The following NSMCE2 variants were observed in gnomAD, a reference collection of about 807,000 sequenced individuals.
NSMCE2 encodes the protein E3 SUMO-protein ligase NSE2.
A neutral mutation model predicts 23.8 loss-of-function variants in NSMCE2; 24 were observed. The observed-to-expected ratio is 1.01, with a 90% CI of 0.73 to 1.42. The LOEUF (loss-of-function observed/expected upper bound fraction) is 1.42. Among genes scored for constraint, NSMCE2 ranks in the 40% most tolerant of loss-of-function variants. The pLI is 0.00. For missense variants in NSMCE2, 284 were observed against 296.5 expected (o/e 0.96, Z 0.31); for synonymous variants, 92 against 94.1 (o/e 0.98, Z 0.13).
intron 5 of NSMCE2, among the ~76,000 whole-genome samples, chr8:125,313,040 G>A (rs1024285665): frequency 1.3e-5 from 2 of 151,138 alleles, no homozygotes; most frequent in East Asian, 3.9e-4. Flanking sequence ...AACCACCATG[G>A]CACATGTATA....
At chr8:125,205,376 A>C (rs1276304682) in intron 5 of NSMCE2, among the ~76,000 whole-genome samples, 1 of 152,218 alleles carries the variant, frequency 6.6e-6, no homozygotes, top group Non-Finnish European at 1.5e-5. Context: ...ATTTCATTTA[A>C]ATAGTGTACT....
chr8:125,351,484 C>G (rs1194729134), intron 5 of NSMCE2: 2 of 152,114 alleles, frequency 1.3e-5, no homozygotes, highest in African/African-American at 4.8e-5. Context: ...GCAGGGGCAT[C>G]TGGAGGTCAA....
intron 5 of NSMCE2, among the ~76,000 whole-genome samples, chr8:125,278,940 C>A (rs1827582812): frequency 6.6e-6 from 1 of 151,710 alleles, no homozygotes; most frequent in African/African-American, 2.4e-5. Context: ...GCACATTCAG[C>A]TGGAGGTTAG....
At chr8:125,309,207 C>CA (rs1317910374) in intron 5 of NSMCE2, among the ~76,000 whole-genome samples, 1 of 143,240 alleles carries the variant, frequency 7.0e-6, no homozygotes, top group Non-Finnish European at 1.5e-5. Flanking sequence ...GAGATCACGC[C>CA]ATTCAACTCC....
intron 7 of NSMCE2, among the ~76,000 whole-genome samples, chr8:125,361,693 T>C (rs898606544): frequency 2.6e-5 from 4 of 152,192 alleles, no homozygotes; most frequent in Non-Finnish European, 5.9e-5. Context: ...GAAAGCTCTT[T>C]TGGGAGCGAA....
intron 5 of NSMCE2, among the ~76,000 whole-genome samples, chr8:125,334,442 C>T (rs1416397586): frequency 6.6e-6 from 1 of 152,142 alleles, no homozygotes; most frequent in Non-Finnish European, 1.5e-5. Context: ...ATTCAGAGAG[C>T]CTAGAAGGAG....
rs79202834 is a variant in NSMCE2, at chr8:125,254,504, G to T, written c.418+72248G>T. ...AAGAAAGAAATTGAACAAGTAAATA[G>T]CATGTACTTCACCATATATAGCAAA... On this transcript the variant is annotated intron_variant, in intron 5 of 7. Coordinates refer to ENST00000287437, the MANE Select transcript of NSMCE2 (RefSeq NM_173685.4). Among the ~76,000 whole-genome samples, 4 of 152,194 alleles carry T rather than the reference G, an allele frequency of 2.6e-5. No homozygotes were observed. In the East Asian group the frequency reaches 7.7e-4, roughly 29 times the overall value.
At chr8:125,166,196 T>G (rs916724846) in intron 4 of NSMCE2, among the ~76,000 whole-genome samples, 11 of 152,260 alleles carry the variant, frequency 7.2e-5, no homozygotes, top group African/African-American at 2.4e-4. Context: ...TTTGAAAAAA[T>G]GTTACGATCT....
At chr8:125,272,106 C>T (rs934614170) in intron 5 of NSMCE2, among the ~76,000 whole-genome samples, 4 of 151,450 alleles carry the variant, frequency 2.6e-5, no homozygotes, top group East Asian at 1.9e-4. Context: ...CTCCGCCTCC[C>T]GGGTTCACGC....
At chr8:125,313,439 G>A (rs972285022) in intron 5 of NSMCE2, among the ~76,000 whole-genome samples, 4 of 152,102 alleles carry the variant, frequency 2.6e-5, no homozygotes, top group African/African-American at 9.7e-5. Flanking sequence ...ATGGCACGTG[G>A]AAAACACTTT....
chr8:125,278,894 A>G (rs1196561792), intron 5 of NSMCE2, among the ~76,000 whole-genome samples: 1 of 151,976 alleles, frequency 6.6e-6, no homozygotes, highest in Non-Finnish European at 1.5e-5. Flanking sequence ...CCAGGATTCA[A>G]CTCAAACCGA....
At chr8:125,309,956 A>G (rs566121682) in intron 5 of NSMCE2, among the ~76,000 whole-genome samples, 3 of 152,350 alleles carry the variant, frequency 2.0e-5, no homozygotes, top group African/African-American at 4.8e-5. Flanking sequence ...CTCTGCTGTG[A>G]GAAACTCAAG....
chr8:125,199,134 A>C (rs1293313769), intron 5 of NSMCE2, among the ~76,000 whole-genome samples: 1 of 151,124 alleles, frequency 6.6e-6, no homozygotes, highest in Non-Finnish European at 1.5e-5. Context: ...CTTTTCAAAA[A>C]ACCTGGATTC....
chr8:125,120,732 G>T (rs955938521), intron 3 of NSMCE2, among the ~76,000 whole-genome samples: 3 of 152,210 alleles, frequency 2.0e-5, no homozygotes, highest in Non-Finnish European at 4.4e-5. Context: ...CTCTCTGTGG[G>T]TGGGAGTTAT....
At chr8:125,110,816 A>T (rs1393797985) in intron 3 of NSMCE2, among the ~76,000 whole-genome samples, 2 of 25,846 alleles carry the variant, frequency 7.7e-5, no homozygotes, top group Non-Finnish European at 7.5e-5. Flanking sequence ...TTTTTTTTTT[A>T]AATACCCAAA....
At chr8:125,346,869 G>GGCT (rs1282874588) in intron 5 of NSMCE2, among the ~76,000 whole-genome samples, 2 of 152,156 alleles carry the variant, frequency 1.3e-5, no homozygotes, top group Non-Finnish European at 2.9e-5. Flanking sequence ...TGAGGACAAA[G>GGCT]GACATGTCTG....
At chr8:125,321,407 C>T (rs567836731) in intron 5 of NSMCE2, among the ~76,000 whole-genome samples, 2 of 152,312 alleles carry the variant, frequency 1.3e-5, no homozygotes, top group African/African-American at 4.8e-5. Context: ...TTTTAAGGCT[C>T]TTACACTATA....
At chr8:125,212,853 G>A (rs757533732) in intron 5 of NSMCE2, among the ~76,000 whole-genome samples, 3 of 152,138 alleles carry the variant, frequency 2.0e-5, no homozygotes, top group Non-Finnish European at 4.4e-5. Flanking sequence ...CATGTACCTG[G>A]TATGCCTGGA....
At chr8:125,230,911 C>T (rs1339105691) in intron 5 of NSMCE2, among the ~76,000 whole-genome samples, 1 of 152,194 alleles carries the variant, frequency 6.6e-6, no homozygotes, top group African/African-American at 2.4e-5. Flanking sequence ...GCTTACTCTT[C>T]ACTGAACTCT....
Sources: allele counts gnomAD v4.1 joint callset (sites outside exome capture counted in the v4.1 genomes callset), GRCh38; gene constraint gnomAD v4.1.1; transcripts MANE v1.5; gene names NCBI Gene and HGNC (gene_info 2026-07-23, HGNC 2026-07-21).